The following ZFHX3 variants were observed in gnomAD, a reference collection of about 807,000 sequenced individuals.
The protein encoded by ZFHX3 is zinc finger homeobox protein 3.
ZFHX3 carries 42 observed loss-of-function variants against 279.1 expected under a neutral mutation model. The ratio of observed to expected loss-of-function variants is 0.15; its 90% confidence interval spans 0.12 to 0.19. The LOEUF is 0.19. Ranked by LOEUF, ZFHX3 falls within the 10% of genes least tolerant of loss-of-function variation. ZFHX3 has a pLI of 1.00. For missense variants in ZFHX3, 4,981 were observed against 4,754.0 expected (o/e 1.05, Z -1.40); for synonymous variants, 2,293 against 1,957.8 (o/e 1.17, Z -4.52).
At chr16:73,792,671 A>T (rs959153906) in intron 1 of ZFHX3, among the ~76,000 whole-genome samples, 1 of 152,202 alleles carries the variant, frequency 6.6e-6, no homozygotes, top group Admixed American at 6.5e-5. Context: ...CAGTTTAGTT[A>T]AATCAGAGCC....
intron 1 of ZFHX3, among the ~76,000 whole-genome samples, chr16:73,704,151 T>C (rs1470648189): frequency 1.3e-5 from 2 of 152,170 alleles, no homozygotes; most frequent in Admixed American, 6.5e-5. Flanking sequence ...CAATTTCAGA[T>C]TGAACAATTC....
intron 1 of ZFHX3, among the ~76,000 whole-genome samples, chr16:73,850,491 C>T (rs529620414): frequency 6.6e-5 from 10 of 152,058 alleles, no homozygotes; most frequent in African/African-American, 1.9e-4. Flanking sequence ...CTTGAGCACA[C>T]GAGTTACTGA....
intron 1 of ZFHX3, among the ~76,000 whole-genome samples, chr16:73,756,195 C>A (rs1456874930): frequency 1.3e-5 from 2 of 152,188 alleles, no homozygotes; most frequent in Admixed American, 1.3e-4. Context: ...AAATAAAGGG[C>A]ACTGCACATG....
chr16:73,155,879 CATT>C (rs1967068169), intron 5 of ZFHX3, among the ~76,000 whole-genome samples: 2 of 151,710 alleles, frequency 1.3e-5, no homozygotes, highest in Non-Finnish European at 2.9e-5. Context: ...TGACACATGT[CATT>C]ATATATAGTA....
intron 1 of ZFHX3, among the ~76,000 whole-genome samples, chr16:73,035,423 C>G (rs1247240112): frequency 6.6e-6 from 1 of 152,180 alleles, no homozygotes; most frequent in Non-Finnish European, 1.5e-5. Context: ...ATGACTGAGA[C>G]AGACTTCTCT....
At chr16:73,429,143 T>A (rs780487836) in intron 3 of ZFHX3, among the ~76,000 whole-genome samples, 1 of 152,104 alleles carries the variant, frequency 6.6e-6, no homozygotes, top group Non-Finnish European at 1.5e-5. Context: ...TTATAGGCCA[T>A]ATCTAGCAAC....
At chr16:73,313,758 T>C (rs945094622) in intron 4 of ZFHX3, among the ~76,000 whole-genome samples, 1 of 152,242 alleles carries the variant, frequency 6.6e-6, no homozygotes. Context: ...GGTAGTATGA[T>C]GCTTAATTTT....
At chr16:72,966,749 GTGGGT>G (rs1486193480) in intron 1 of ZFHX3, among the ~76,000 whole-genome samples, 9 of 152,260 alleles carry the variant, frequency 5.9e-5, no homozygotes, top group Non-Finnish European at 1.5e-5. Context: ...CCACAGGCAA[GTGGGT>G]TTGGTTCTAT....
At chr16:73,655,049 C>T (rs902610674) in intron 2 of ZFHX3, among the ~76,000 whole-genome samples, 3 of 151,786 alleles carry the variant, frequency 2.0e-5, no homozygotes, top group African/African-American at 4.8e-5. Context: ...TTAGTAGAGA[C>T]GGGGTTTTGC....
intron 5 of ZFHX3, among the ~76,000 whole-genome samples, chr16:73,236,630 G>T (rs1175808069): frequency 3.3e-5 from 5 of 152,018 alleles, no homozygotes; most frequent in Non-Finnish European, 7.4e-5. Flanking sequence ...TCTACAAAGG[G>T]TTTTTCCTCC....
chr16:73,750,428 T>C (rs2053751428), intron 1 of ZFHX3, among the ~76,000 whole-genome samples: 1 of 152,158 alleles, frequency 6.6e-6, no homozygotes, highest in South Asian at 2.1e-4. Context: ...GACACTAAAT[T>C]GGGAGGTGTT....
intron 3 of ZFHX3, among the ~76,000 whole-genome samples, chr16:72,913,851 T>G (rs1467634490): frequency 2.0e-5 from 3 of 152,168 alleles, no homozygotes; most frequent in African/African-American, 7.2e-5. Flanking sequence ...CTCTCGACAA[T>G]GGAAATGAAG....
chr16:73,743,808 C>A (rs567262960), intron 1 of ZFHX3, among the ~76,000 whole-genome samples: 25 of 152,022 alleles, frequency 1.6e-4, no homozygotes, highest in Non-Finnish European at 2.9e-4. Context: ...ATGGACAGAG[C>A]CCTCAGAAGC....
intron 2 of ZFHX3, among the ~76,000 whole-genome samples, chr16:73,658,541 G>T (rs2052746492): frequency 6.6e-6 from 1 of 152,186 alleles, no homozygotes; most frequent in Non-Finnish European, 1.5e-5. Context: ...GATCTCAGGT[G>T]ATCTGCCCTC....
intron 1 of ZFHX3, among the ~76,000 whole-genome samples, chr16:73,833,150 G>C (rs1405913333): frequency 6.6e-6 from 1 of 152,084 alleles, no homozygotes; most frequent in Non-Finnish European, 1.5e-5. Flanking sequence ...ATTGCTCGAG[G>C]CCAGGAGTTC....
intron 3 of ZFHX3, among the ~76,000 whole-genome samples, chr16:72,939,456 G>A (rs1030222161): frequency 6.6e-6 from 1 of 152,190 alleles, no homozygotes; most frequent in Non-Finnish European, 1.5e-5. Context: ...AAACACAATC[G>A]GAGCTCCTCC....
At chr16:73,878,184 G>A (rs930286381) in intron 1 of ZFHX3, among the ~76,000 whole-genome samples, 1 of 151,956 alleles carries the variant, frequency 6.6e-6, no homozygotes, top group Non-Finnish European at 1.5e-5. Flanking sequence ...TGGTTCAATC[G>A]ATTGGTGCTA....
chr16:73,813,502 CAAAAAAAAAGGA>C (rs1960481222), intron 1 of ZFHX3, among the ~76,000 whole-genome samples: 1 of 149,274 alleles, frequency 6.7e-6, no homozygotes, highest in African/African-American at 2.5e-5. Context: ...TTCAGTAAAA[CAAAAAAAAAGGA>C]AAAAAAATGT....
chr16:73,173,891 T>G (rs2144870323), intron 5 of ZFHX3, among the ~76,000 whole-genome samples: 1 of 152,182 alleles, frequency 6.6e-6, no homozygotes, highest in East Asian at 1.9e-4. Context: ...CTTCGGACCT[T>G]CATTCCTTTA....
Sources: allele counts gnomAD v4.1 joint callset (sites outside exome capture counted in the v4.1 genomes callset), GRCh38; gene constraint gnomAD v4.1.1; transcripts MANE v1.5; gene names NCBI Gene and HGNC (gene_info 2026-07-23, HGNC 2026-07-21).